The following ABCC12 variants were observed in gnomAD, a reference collection of about 807,000 sequenced individuals.
ABCC12 encodes the protein ATP-binding cassette sub-family C member 12.
In ABCC12, 142 loss-of-function variants were observed where a neutral mutation model predicts 151.1. The ratio of observed to expected loss-of-function variants is 0.94; its 90% CI spans 0.82 to 1.08. ABCC12 has a LOEUF of 1.08. ABCC12 is among the 50% of genes least tolerant of loss of function. The pLI, the probability that ABCC12 is intolerant of heterozygous loss-of-function variation, is 0.00. For synonymous variants in ABCC12, 645 were observed against 646.4 expected, an observed-to-expected ratio of 1.00 and a Z score of 0.03; for missense variants, 1,638 against 1,691.1, an observed-to-expected ratio of 0.97 and a Z score of 0.55.
At position 48,085,845 on chromosome 16, in the gene ABCC12, C is replaced by T. The variant is rs139075019; in HGVS notation, c.3715-139G>A. The T allele has an allele frequency of 7.6e-4, 517 of 677,734 alleles. 6 individuals are homozygous for T. The highest frequency in any genetic ancestry group is 5.7e-3 in the African/African-American group (316 of 55,530). The allele number at this position is 677,734 out of a possible 1,614,324, so 42.0% of individuals were successfully genotyped here. On this transcript the variant is annotated intron_variant, in intron 28 of 30. Transcript: ENST00000311303. ...GGCAAAGAAAGTGCAAAACAACAAT[C>T]ATTTCAATATTGCAAACAGGCACCA...
At chr16:48,089,055 C>A (rs573681085) in intron 25 of ABCC12, among the ~76,000 whole-genome samples, 71 of 152,286 alleles carry the variant, frequency 4.7e-4, no homozygotes, top group Non-Finnish European at 9.4e-4. Context: ...GACCTGAGGG[C>A]TGGAGTGCTG....
intron 6 of ABCC12, 70 bp downstream of exon 6, chr16:48,140,617 C>T (rs1964770977): frequency 1.3e-5 from 18 of 1,430,118 alleles, no homozygotes; most frequent in South Asian, 2.5e-5. Flanking sequence ...CACTCAGGAT[C>T]CACATCTCAC....
rs141979519 is a variant in ABCC12, at chr16:48,083,802, C to T, written c.3994-1G>A. ...CTTCAGGCTTGTCAAACTCAATCAC[C>T]TGAAAGTCAGAGAAGAAGAACTGAA... On this transcript the variant is annotated splice_acceptor_variant, in intron 30 of 30. Coordinates refer to ENST00000311303, the MANE Select transcript of ABCC12 (RefSeq NM_001393797.1). LOFTEE classifies it high-confidence loss of function. 6.6e-5 allele frequency: 106 copies of T among 1,614,068 alleles called. No individual in the cohort carries two copies. Among genetic ancestry groups the T allele is most frequent in the Non-Finnish European group, 8.4e-5 (99 of 1,180,036 alleles).
At chr16:48,130,943 T>C (rs1567454886) in intron 9 of ABCC12, 48 bp from the exon 10 acceptor site, 2 of 1,401,802 alleles carry the variant, frequency 1.4e-6, no homozygotes, top group Non-Finnish European at 2.0e-6. Flanking sequence ...GAAGTCACGT[T>C]GGCTCTAAAC....
At chr16:48,108,411 A>G in intron 19 of ABCC12, 29 bp downstream of exon 19, 2 of 1,588,548 alleles carry the variant, frequency 1.3e-6, no homozygotes, top group Non-Finnish European at 1.7e-6. Flanking sequence ...TGCAAATTAA[A>G]TCAAGAAACT....
At chr16:48,099,094 G>A (rs1168026260) in intron 23 of ABCC12, among the ~76,000 whole-genome samples, 1 of 152,170 alleles carries the variant, frequency 6.6e-6, no homozygotes. Context: ...TGGAGGGGGC[G>A]TGAGAGAGAG....
intron 23 of ABCC12, among the ~76,000 whole-genome samples, chr16:48,098,269 C>T (rs567381387): frequency 6.6e-6 from 1 of 152,262 alleles, no homozygotes; most frequent in South Asian, 2.1e-4. Context: ...GCCACTGTGG[C>T]TTCCCTGATC....
chr16:48,110,055 A>C (rs555546827), intron 18 of ABCC12, among the ~76,000 whole-genome samples: 1 of 152,362 alleles, frequency 6.6e-6, no homozygotes, highest in East Asian at 1.9e-4. Context: ...TACTCTCTCC[A>C]CGGGACCCCA....
chr16:48,121,900 G>A (rs1964083552), intron 12 of ABCC12, 60 bp from the exon 13 acceptor site: 1 of 1,608,052 alleles, frequency 6.2e-7, no homozygotes, highest in African/African-American at 1.3e-5. Flanking sequence ...TTCCTCAAAT[G>A]CCCATTGCAC....
Position 48,143,906 on chromosome 16 carries a change from G to C in ABCC12, c.275+4C>G, listed in dbSNP as rs746515974. On this transcript the variant is annotated splice_donor_region_variant and intron_variant, in intron 4 of 30. Coordinates refer to ENST00000311303, the MANE Select transcript of ABCC12 (RefSeq NM_001393797.1). ...AATACAGTGACCCAAGCAAATCCTGGTACCTTTTGGCATTGGTGTCAGATG... is the reference window on the plus strand; with the variant it reads ...AATACAGTGACCCAAGCAAATCCTGCTACCTTTTGGCATTGGTGTCAGATG... 1 of 1,612,576 alleles carries C rather than the reference G, an allele frequency of 6.2e-7. No individual in the cohort carries two copies. The highest frequency in any genetic ancestry group is 1.3e-5 in the African/African-American group (1 of 74,980).
In ABCC12 at chr16:48,107,334, G is replaced by C. The variant is rs1963528603; in HGVS notation, c.2463C>G (p.Asp821Glu). Residue 821 changes from aspartate to glutamate, a missense_variant, in exon 20 of 31, where the codon GAC becomes GAG. Physicochemically the swap from Asp to Glu is conservative, Grantham distance 45. Transcript: ENST00000311303. ...AAGGGAAACTCACCCGTGAGCCCTT[G>C]TCCAACCAGAGACCCAGCCACCAGT... ...FSNWWLGLWL[D>E]KGSRMTCGPQ... 6.2e-7 allele frequency: 1 copy of C among 1,614,018 alleles called. No homozygotes were observed. The highest frequency in any genetic ancestry group is 8.5e-7 in the Non-Finnish European group (1 of 1,179,996).
At chr16:48,124,779 C>A (rs1352108052) in intron 11 of ABCC12, among the ~76,000 whole-genome samples, 1 of 152,200 alleles carries the variant, frequency 6.6e-6, no homozygotes, top group Non-Finnish European at 1.5e-5. Flanking sequence ...TTTATTAATT[C>A]AACCAACAAA....
intron 23 of ABCC12, 28 bp downstream of exon 23, chr16:48,100,844 C>T (rs777787124): frequency 6.2e-7 from 1 of 1,610,246 alleles, no homozygotes; most frequent in Non-Finnish European, 8.5e-7. Flanking sequence ...GCATGGGGGC[C>T]TGGGGCAGGG....
chr16:48,122,889 C>T (rs1964119061), intron 12 of ABCC12, among the ~76,000 whole-genome samples: 1 of 152,210 alleles, frequency 6.6e-6, no homozygotes, highest in Non-Finnish European at 1.5e-5. Context: ...CACAACTCTC[C>T]TTAGTCCCAT....
chr16:48,121,548 G>A (rs186562681), intron 13 of ABCC12, 168 bp downstream of exon 13: 73 of 890,346 alleles, frequency 8.2e-5, no homozygotes, highest in African/African-American at 5.8e-4. Context: ...TCTCCTGAAC[G>A]CTTGGCTCAG....
Position 48,094,629 on chromosome 16 carries a change from C to T in ABCC12, c.3195+2117G>A, listed in dbSNP as rs144584384. ...CTTTATCCCTAGGCATGGGAGCACA[C>T]ATGCACATGGACACACACACATAAA... On this transcript the variant is annotated intron_variant, in intron 24 of 30. Coordinates refer to ENST00000311303, the MANE Select transcript of ABCC12 (RefSeq NM_001393797.1). 2.5e-3 allele frequency among the ~76,000 whole-genome samples: 384 copies of T among 152,324 alleles called. 1 individual carries two copies. Among genetic ancestry groups the T allele is most frequent in the African/African-American group, 8.4e-3 (350 of 41,562 alleles).
At chr16:48,091,243 C>A in intron 24 of ABCC12, 34 bp from the exon 25 acceptor site, 1 of 1,595,312 alleles carries the variant, frequency 6.3e-7, no homozygotes, top group South Asian at 1.1e-5. Context: ...GCAGTTAGAG[C>A]CCCTTCCTCC....
chr16:48,133,451 A>G (rs1964498684), intron 9 of ABCC12, among the ~76,000 whole-genome samples: 1 of 151,590 alleles, frequency 6.6e-6, no homozygotes, highest in Non-Finnish European at 1.5e-5. Context: ...GCTTGAACCC[A>G]GGAGGCAGAG....
intron 4 of ABCC12, among the ~76,000 whole-genome samples, chr16:48,143,178 G>A (rs747937352): frequency 1.3e-5 from 2 of 152,194 alleles, no homozygotes; most frequent in Non-Finnish European, 2.9e-5. Context: ...ACCTGATGCT[G>A]CATGCTGGTC....
Sources: gnomAD v4.1 joint callset for allele counts (sites outside exome capture counted in the v4.1 genomes callset) on GRCh38, gnomAD v4.1.1 for gene constraint, MANE v1.5 for transcripts, NCBI Gene and HGNC (gene_info 2026-07-23, HGNC 2026-07-21) for gene names.